The following ZPBP variants were observed in gnomAD, a reference collection of about 807,000 sequenced individuals.
ZPBP encodes zona pellucida-binding protein 1.
A neutral mutation model predicts 44.8 loss-of-function variants in ZPBP; 26 were observed. The observed-to-expected ratio is 0.58, with a 90% CI of 0.43 to 0.81. ZPBP has a LOEUF of 0.81. Among genes scored for constraint, ZPBP ranks in the 30% least tolerant of loss-of-function variants. The probability of loss-of-function intolerance (pLI) is 0.00; values close to 1 mark genes in which losing one functional copy is unlikely to be tolerated. For missense variants in ZPBP, 409 were observed against 434.0 expected (o/e 0.94, Z 0.51); for synonymous variants, 174 against 153.2 (o/e 1.14, Z -1.00).
chr7:49,864,705 C>T (rs987906229), intron 2 of ZPBP, among the ~76,000 whole-genome samples: 2 of 152,210 alleles, frequency 1.3e-5, no homozygotes, highest in African/African-American at 4.8e-5. Context: ...TAGCTCCAGA[C>T]AGTTTCAAAC....
rs1308145088 is a variant in ZPBP at position 49,983,457 on chromosome 7, T to C, written c.846A>G (p.Glu282=). 6.2e-7 allele frequency: 1 copy of C among 1,611,864 alleles called. No individual in the cohort carries two copies. The highest frequency in any genetic ancestry group is 8.5e-7 in the Non-Finnish European group (1 of 1,178,636). The change falls in exon 7 of 8, where the codon GAA becomes GAG. Residue 282 remains glutamate (E), a synonymous_variant. Coordinates refer to ENST00000046087, the MANE Select transcript of ZPBP (RefSeq NM_007009.3). ...CAATATAGTATATTTGAGGTAATTG[T>C]TCTGCACGTCTGCCAAGAATTTCTA... is the stretch of plus-strand genomic sequence containing the variant. ...QQVEILGRRA[E]QLPQIYYIEG...
chr7:49,859,316 T>C (rs1161497140), intron 2 of ZPBP, among the ~76,000 whole-genome samples: 1 of 152,232 alleles, frequency 6.6e-6, no homozygotes, highest in African/African-American at 2.4e-5. Flanking sequence ...TCTTTTATGT[T>C]TTTTTATTTT....
At chr7:49,917,156 CAAT>C (rs934168474) in intron 1 of ZPBP, 1 of 152,082 alleles carries the variant, frequency 6.6e-6, no homozygotes, top group Admixed American at 6.6e-5. Flanking sequence ...TGAACTGATA[CAAT>C]AATGAGCTGA....
intron 6 of ZPBP, among the ~76,000 whole-genome samples, chr7:49,984,502 T>G (rs1269935394): frequency 6.6e-6 from 1 of 152,182 alleles, no homozygotes; most frequent in Non-Finnish European, 1.5e-5. Flanking sequence ...GGTAGGATGT[T>G]TTTGGGATGA....
Position 49,912,496 on chromosome 7 carries a change from A to G in ZPBP, n.412-11281T>C, listed in dbSNP as rs188043358. On this transcript the variant is annotated intron_variant and non_coding_transcript_variant, in intron 1 of 2. Coordinates refer to the ZPBP transcript ENST00000465922. Reference sequence around the variant, plus strand: ...ATCCCTCCATTAGAGAGCTTATATAAGTGTTTTCTATAGATGCAGATTAAA... The same window carrying G: ...ATCCCTCCATTAGAGAGCTTATATAGGTGTTTTCTATAGATGCAGATTAAA... 2.2e-4 allele frequency: 44 copies of G among 201,976 alleles called. 1 individual carries two copies. Among genetic ancestry groups the G allele is most frequent in the African/African-American group, 9.8e-4 (42 of 42,904 alleles). 12.5% of individuals were successfully genotyped at this position (201,976 alleles called of 1,614,324 possible). A position where few individuals can be genotyped will look rare whatever the true frequency, so the allele number is the denominator to read the frequency against.
intron 1 of ZPBP, among the ~76,000 whole-genome samples, chr7:49,904,251 A>T (rs749658407): frequency 2.0e-5 from 3 of 152,108 alleles, no homozygotes; most frequent in Admixed American, 6.5e-5. Context: ...GAAAAGCTTT[A>T]CCGAGGACTC....
In ZPBP at chr7:49,869,071, C is replaced by T. The variant is rs34789209; in HGVS notation, n.510-18557G>A. On this transcript the variant is annotated intron_variant and non_coding_transcript_variant, in intron 2 of 2. Transcript: ENST00000465922. The stretch of plus-strand genomic sequence containing the variant: ...TGAGTTGTAGGGAATTTTTGAAACC[C>T]GTACAAGTGAGGAAACATTTACACT... Among the ~76,000 whole-genome samples the T allele has an allele frequency of 6.2e-3, 942 of 151,712 alleles. 10 individuals are homozygous for T. Among genetic ancestry groups the T allele is most frequent in the Non-Finnish European group, 9.8e-3 (664 of 67,954 alleles).
At chr7:49,909,713 G>A (rs1793301038) in intron 1 of ZPBP, among the ~76,000 whole-genome samples, 2 of 152,140 alleles carry the variant, frequency 1.3e-5, no homozygotes, top group African/African-American at 4.8e-5. Flanking sequence ...CTAAAATTTG[G>A]GAGTCATTGC....
intron 6 of ZPBP, among the ~76,000 whole-genome samples, chr7:50,016,001 C>T (rs2886552): frequency 0.79 from 120,729 of 152,138 alleles, 48,037 homozygotes; most frequent in East Asian, 0.87. Flanking sequence ...GGAAGCAGTT[C>T]GGAAATTTCA....
At chr7:49,904,934 C>A (rs1793005573) in intron 1 of ZPBP, among the ~76,000 whole-genome samples, 1 of 151,926 alleles carries the variant, frequency 6.6e-6, no homozygotes, top group Non-Finnish European at 1.5e-5. Context: ...TGGGGTTTCA[C>A]CATCTTGGCC....
intron 2 of ZPBP, among the ~76,000 whole-genome samples, chr7:50,084,628 C>T (rs1450419176): frequency 6.6e-6 from 1 of 151,542 alleles, no homozygotes; most frequent in African/African-American, 2.4e-5. Context: ...ATATTATGGG[C>T]CAAAACCAAT....
At chr7:49,902,955 A>G (rs1265588267) in intron 1 of ZPBP, among the ~76,000 whole-genome samples, 1 of 152,178 alleles carries the variant, frequency 6.6e-6, no homozygotes, top group Non-Finnish European at 1.5e-5. Context: ...GAAAATAGGC[A>G]AAATACATGA....
At chr7:49,952,459 A>C (rs1197706639) in intron 7 of ZPBP, among the ~76,000 whole-genome samples, 2 of 152,040 alleles carry the variant, frequency 1.3e-5, no homozygotes, top group African/African-American at 4.8e-5. Context: ...TACAGAGTCA[A>C]ACTGCTATTT....
At chr7:49,968,281 G>T (rs1057251774) in intron 7 of ZPBP, among the ~76,000 whole-genome samples, 6 of 151,756 alleles carry the variant, frequency 4.0e-5, no homozygotes, top group African/African-American at 1.5e-4. Context: ...TAAATAAAAG[G>T]ACAGATATAT....
At chr7:49,841,253 T>C in the ZPBP span, among the ~76,000 whole-genome samples, 3 of 151,870 alleles carry the variant, frequency 2.0e-5, no homozygotes, top group African/African-American at 4.8e-5. Context: ...CTTAGGCTTG[T>C]GGCCATGTTT....
At position 49,875,703 on chromosome 7, in the gene ZPBP, T is replaced by C. The variant is rs183193834; in HGVS notation, n.510-25189A>G. 2.6e-4 allele frequency among the ~76,000 whole-genome samples: 40 copies of C among 152,202 alleles called. No homozygotes were observed. The East Asian group carries it at 7.5e-3, about 29-fold the overall frequency. Reference sequence around the variant, plus strand: ...CTCTTTGCAATGAGGGTAATAACAGTGTCTGATGGAGTGGCATGAGAATTA... The same window carrying C: ...CTCTTTGCAATGAGGGTAATAACAGCGTCTGATGGAGTGGCATGAGAATTA... On this transcript the variant is annotated intron_variant and non_coding_transcript_variant, in intron 2 of 2. Coordinates refer to the ZPBP transcript ENST00000465922.
At chr7:49,855,103 G>T (rs1790360802) in intron 2 of ZPBP, among the ~76,000 whole-genome samples, 1 of 152,156 alleles carries the variant, frequency 6.6e-6, no homozygotes, top group Admixed American at 6.5e-5. Context: ...CAGCTGTGAA[G>T]ATAGAAATAA....
At chr7:50,086,755 G>A (rs919575423) in intron 2 of ZPBP, among the ~76,000 whole-genome samples, 6 of 151,938 alleles carry the variant, frequency 3.9e-5, no homozygotes, top group Admixed American at 3.3e-4. Context: ...CTGAAGGAGG[G>A]GAGAGAGAGA....
chr7:49,943,848 G>A (rs1794990396), intron 7 of ZPBP: 1 of 239,528 alleles, frequency 4.2e-6, no homozygotes, highest in Non-Finnish European at 8.1e-6. Context: ...CTTTTTACAT[G>A]TCTCTTCTTG....
Sources: allele counts gnomAD v4.1 joint callset (sites outside exome capture counted in the v4.1 genomes callset), GRCh38; gene constraint gnomAD v4.1.1; transcripts MANE v1.5; gene names NCBI Gene and HGNC (gene_info 2026-07-23, HGNC 2026-07-21).